The following FILIP1L variants were observed in gnomAD, a reference collection of about 807,000 sequenced individuals.
FILIP1L encodes filamin A interacting protein 1 like, also known as filamin A-interacting protein 1-like.
Under a neutral mutation model 96.6 loss-of-function variants are expected in FILIP1L, and 55 were observed. The ratio of observed to expected loss-of-function variants is 0.57; its 90% CI spans 0.46 to 0.71. FILIP1L has a LOEUF of 0.71. FILIP1L is among the 30% of genes least tolerant of loss of function. FILIP1L has a pLI of 0.00. For synonymous variants in FILIP1L, 467 were observed against 473.9 expected (o/e 0.99, Z 0.19); for missense variants, 1,304 against 1,321.2 (o/e 0.99, Z 0.20).
At chr3:99,912,048 C>G (rs1209818438) in intron 4 of FILIP1L, among the ~76,000 whole-genome samples, 1 of 152,030 alleles carries the variant, frequency 6.6e-6, no homozygotes, top group Non-Finnish European at 1.5e-5. Context: ...CACAGTGAAA[C>G]TTTATCTCAT....
At chr3:99,879,807 C>G (rs1253676809) in intron 4 of FILIP1L, among the ~76,000 whole-genome samples, 2 of 152,132 alleles carry the variant, frequency 1.3e-5, no homozygotes, top group African/African-American at 4.8e-5. Flanking sequence ...AACAGCAAGA[C>G]CTGTATAAGA....
chr3:99,927,665 G>A (rs757246887), intron 3 of FILIP1L, among the ~76,000 whole-genome samples: 18 of 152,082 alleles, frequency 1.2e-4, no homozygotes, highest in East Asian at 3.9e-4. Flanking sequence ...CACTGCGCCC[G>A]GCCCATATTT....
intron 1 of FILIP1L, among the ~76,000 whole-genome samples, chr3:100,055,390 G>C (rs2065447706): frequency 6.6e-6 from 1 of 152,080 alleles, no homozygotes; most frequent in African/African-American, 2.4e-5. Context: ...GATCCACGTG[G>C]CCATATGCTC....
chr3:99,881,383 GA>G (rs1199737031), intron 4 of FILIP1L, among the ~76,000 whole-genome samples: 1 of 151,538 alleles, frequency 6.6e-6, no homozygotes, highest in African/African-American at 2.4e-5. Context: ...CTGCAGAAGT[GA>G]AAAAAAACCC....
At chr3:99,985,458 C>G (rs538367263) in intron 1 of FILIP1L, among the ~76,000 whole-genome samples, 66 of 152,176 alleles carry the variant, frequency 4.3e-4, no homozygotes, top group African/African-American at 1.5e-3. Context: ...CAAGATCATA[C>G]CACTATACTT....
At chr3:100,097,379 T>A (rs950763607) in intron 1 of FILIP1L, among the ~76,000 whole-genome samples, 2 of 152,220 alleles carry the variant, frequency 1.3e-5, no homozygotes, top group Non-Finnish European at 2.9e-5. Flanking sequence ...GCATGGATTA[T>A]ATGCAAATAC....
At chr3:99,969,870 C>G (rs1163440271) in intron 1 of FILIP1L, among the ~76,000 whole-genome samples, 1 of 152,064 alleles carries the variant, frequency 6.6e-6, no homozygotes, top group Admixed American at 6.6e-5. Context: ...TGCCAAGTGC[C>G]CTAGTCATGA....
intron 4 of FILIP1L, among the ~76,000 whole-genome samples, chr3:99,868,146 C>T (rs1024050936): frequency 2.0e-5 from 3 of 152,136 alleles, no homozygotes; most frequent in South Asian, 2.1e-4. Flanking sequence ...CAGCTCTCTT[C>T]GGTCCTTTAC....
intron 4 of FILIP1L, among the ~76,000 whole-genome samples, chr3:99,882,686 C>G (rs903049703): frequency 1.3e-5 from 2 of 152,086 alleles, no homozygotes; most frequent in African/African-American, 2.4e-5. Context: ...TTTTCTGGGA[C>G]TGAATGTTTC....
intron 1 of FILIP1L, among the ~76,000 whole-genome samples, chr3:99,958,865 T>A (rs1466675514): frequency 6.6e-6 from 1 of 152,160 alleles, no homozygotes; most frequent in Non-Finnish European, 1.5e-5. Context: ...TCTTAAAGAA[T>A]TTTGGCTTTA....
intron 1 of FILIP1L, among the ~76,000 whole-genome samples, chr3:100,010,761 C>T (rs193246248): frequency 6.8e-6 from 1 of 147,072 alleles, no homozygotes; most frequent in Admixed American, 6.9e-5. Context: ...ATTACAGGTG[C>T]GCGCCTCCAC....
At position 99,848,789 on chromosome 3, in the gene FILIP1L, T is replaced by C; in HGVS notation, c.2887A>G (p.Thr963Ala). Reference sequence around the variant, plus strand: ...TGTTCTAAATTCATGAGGTCTTCGGTAGAGGTTTTGGACTTTACTGGTGTT... The same window carrying C: ...TGTTCTAAATTCATGAGGTCTTCGGCAGAGGTTTTGGACTTTACTGGTGTT... ...SITPVKSKTS[T>A]EDLMNLEQGM... is the part of the protein sequence containing the mutation. The change falls in exon 5 of 6, where the codon ACC becomes GCC. Residue 963 changes from threonine to alanine, a missense_variant. Coordinates refer to ENST00000477258, the MANE Select transcript of FILIP1L (RefSeq NM_001387850.1). 1 of 1,614,142 alleles carries C rather than the reference T, an allele frequency of 6.2e-7. No homozygotes were observed. Among genetic ancestry groups the C allele is most frequent in the Non-Finnish European group, 8.5e-7 (1 of 1,180,018 alleles).
At chr3:99,955,502 G>T (rs1462849314) in intron 1 of FILIP1L, among the ~76,000 whole-genome samples, 3 of 152,176 alleles carry the variant, frequency 2.0e-5, no homozygotes, top group Non-Finnish European at 4.4e-5. Context: ...GGCCCAAGTT[G>T]AATCAGGAAG....
rs760744874 is a variant in FILIP1L, at chr3:99,849,198, C to T, written c.2478G>A (p.Gln826=). Residue 826 remains glutamine, a synonymous_variant, in exon 5 of 6, where the codon CAG becomes CAA. Coordinates refer to ENST00000477258, the MANE Select transcript of FILIP1L (RefSeq NM_001387850.1). The part of the protein sequence containing the change: ...IPLERAVING[Q]LYEESENQDE... ...CTTGATTCTCACTCTCCTCATATAACTGACCATTGATGACTGCACGTTCCA... is the reference window on the plus strand; with the variant it reads ...CTTGATTCTCACTCTCCTCATATAATTGACCATTGATGACTGCACGTTCCA... The T allele has an allele frequency of 1.1e-5, 18 of 1,614,046 alleles. No homozygotes were observed. The highest frequency in any genetic ancestry group is 1.5e-5 in the Non-Finnish European group (18 of 1,180,028).
intron 1 of FILIP1L, among the ~76,000 whole-genome samples, chr3:100,027,884 G>A (rs1015092808): frequency 5.9e-5 from 9 of 152,150 alleles, no homozygotes; most frequent in Admixed American, 2.0e-4. Flanking sequence ...CTAGAGTTGG[G>A]AGTGAGAGGG....
At chr3:100,058,416 A>G (rs1332466977) in intron 1 of FILIP1L, among the ~76,000 whole-genome samples, 1 of 152,240 alleles carries the variant, frequency 6.6e-6, no homozygotes, top group Non-Finnish European at 1.5e-5. Flanking sequence ...GAAGGCAGGC[A>G]GAGAAAAGTT....
In FILIP1L at chr3:99,932,528, G is replaced by A. The variant is rs146876572; in HGVS notation, c.-10-1498C>T. On this transcript the variant is annotated intron_variant, in intron 1 of 5. Coordinates refer to ENST00000477258, the MANE Select transcript of FILIP1L (RefSeq NM_001387850.1). ...AAAAAATGCTACTTCAAACATTCTT[G>A]CACATTTTTTTCCCTTGTGTTAGGT... is the stretch of plus-strand genomic sequence containing the variant. Among the ~76,000 whole-genome samples the A allele has an allele frequency of 7.9e-5, 12 of 151,620 alleles. No individual in the cohort carries two copies. In the East Asian group the frequency reaches 1.7e-3, roughly 22 times the overall value.
chr3:99,851,585 T>C (rs2107530241), intron 4 of FILIP1L, among the ~76,000 whole-genome samples: 1 of 152,352 alleles, frequency 6.6e-6, no homozygotes, highest in South Asian at 2.1e-4. Context: ...AGATTCTCAT[T>C]GTCCTGGCAC....
chr3:100,095,476 T>C (rs1414063529), intron 1 of FILIP1L, among the ~76,000 whole-genome samples: 1 of 151,660 alleles, frequency 6.6e-6, no homozygotes, highest in Non-Finnish European at 1.5e-5. Context: ...TATACTACAG[T>C]GAACTTAATT....
Sources: gnomAD v4.1 joint callset for allele counts (sites outside exome capture counted in the v4.1 genomes callset) on GRCh38, gnomAD v4.1.1 for gene constraint, MANE v1.5 for transcripts, NCBI Gene and HGNC (gene_info 2026-07-23, HGNC 2026-07-21) for gene names.